The following KALRN variants were observed in gnomAD, a reference collection of about 807,000 sequenced individuals.
KALRN encodes the protein kalirin.
KALRN carries 70 observed loss-of-function variants against 353.7 expected under a neutral mutation model. The ratio of observed to expected loss-of-function variants is 0.20; its 90% CI spans 0.16 to 0.24. The LOEUF (loss-of-function observed/expected upper bound fraction) is 0.24. Ranked by LOEUF, KALRN falls within the 10% of genes least tolerant of loss-of-function variation. The pLI is 1.00. For missense variants in KALRN, 2,791 were observed against 3,756.7 expected (o/e 0.74, Z 6.72); for synonymous variants, 1,391 against 1,434.8 (o/e 0.97, Z 0.69).
chr3:124,153,441 A>G (rs950100408), intron 1 of KALRN, among the ~76,000 whole-genome samples: 1 of 151,332 alleles, frequency 6.6e-6, no homozygotes, highest in African/African-American at 2.4e-5. Context: ...TACAAAGGAC[A>G]TGAACTCATC....
Position 124,070,379 on chromosome 3 carries a change from G to A in KALRN, c.73+36566G>A, listed in dbSNP as rs777900308. ...AACCTGCTGGCATTCTGTCTTTACCGAGAACATACCATACTGAATCTAGTT... is the reference window on the plus strand; with the variant it reads ...AACCTGCTGGCATTCTGTCTTTACCAAGAACATACCATACTGAATCTAGTT... On this transcript the variant is annotated intron_variant, in intron 1 of 59. Transcript: ENST00000682506. 4.0e-4 allele frequency among the ~76,000 whole-genome samples: 61 copies of A among 152,040 alleles called. 1 individual carries two copies. Among genetic ancestry groups the A allele is most frequent in the South Asian group, 4.2e-4 (2 of 4,802 alleles).
intron 1 of KALRN, among the ~76,000 whole-genome samples, chr3:124,205,667 A>C (rs758850839): frequency 1.1e-4 from 16 of 152,198 alleles, no homozygotes; most frequent in Non-Finnish European, 2.2e-4. Context: ...TGGAGGTTGG[A>C]GATGCAACTG....
chr3:124,342,553 T>C (rs954325766), intron 9 of KALRN, among the ~76,000 whole-genome samples: 4 of 152,216 alleles, frequency 2.6e-5, no homozygotes, highest in Non-Finnish European at 4.4e-5. Flanking sequence ...CTTTATCCAG[T>C]CATCCATTGA....
chr3:124,135,232 T>G (rs1313791654), intron 1 of KALRN, among the ~76,000 whole-genome samples: 1 of 152,174 alleles, frequency 6.6e-6, no homozygotes, highest in Non-Finnish European at 1.5e-5. Context: ...TGCAATGACC[T>G]GGATGAGATT....
At chr3:124,337,195 T>C (rs1323874848) in intron 9 of KALRN, among the ~76,000 whole-genome samples, 1 of 152,212 alleles carries the variant, frequency 6.6e-6, no homozygotes, top group African/African-American at 2.4e-5. Context: ...CAATACTATG[T>C]TGAATAGGAG....
intron 2 of KALRN, among the ~76,000 whole-genome samples, chr3:124,229,717 A>C (rs2078952477): frequency 6.6e-6 from 1 of 152,210 alleles, no homozygotes; most frequent in African/African-American, 2.4e-5. Flanking sequence ...TAGGTGTGGG[A>C]GGTGAGGGCA....
At position 124,719,422 on chromosome 3, in the gene KALRN, T is replaced by G; in HGVS notation, c.8913T>G (p.Ile2971Met). 1.2e-6 allele frequency: 2 copies of G among 1,614,122 alleles called. No homozygotes were observed. The highest frequency in any genetic ancestry group is 1.7e-6 in the Non-Finnish European group (2 of 1,180,032). ...RRKHQNDVRP[I>M]PNVKSYIVNR... The stretch of plus-strand genomic sequence containing the variant: ...AGCACCAGAATGATGTGCGGCCTAT[T>G]CCCAATGTCAAGAGCTACATTGTCA... The change falls in exon 60 of 60, where the codon ATT (isoleucine) becomes ATG (methionine). Residue 2971 changes from isoleucine to methionine, a missense_variant. By Grantham distance (10) the Ile-to-Met change is conservative. Coordinates refer to ENST00000682506, the MANE Select transcript of KALRN (RefSeq NM_001388419.1). This position sits in a 1 kb window ranked among gnomAD's most constrained non-coding sequence, Gnocchi z 5.3.
At chr3:124,077,933 C>T (rs894659193) in intron 1 of KALRN, among the ~76,000 whole-genome samples, 1 of 152,148 alleles carries the variant, frequency 6.6e-6, no homozygotes, top group African/African-American at 2.4e-5. Flanking sequence ...TTCTGTGGAC[C>T]CGTTTGCTTC....
intron 29 of KALRN, among the ~76,000 whole-genome samples, chr3:124,489,354 G>A (rs2062895927): frequency 6.6e-6 from 1 of 152,140 alleles, no homozygotes; most frequent in Non-Finnish European, 1.5e-5. Flanking sequence ...TTTAATGGGT[G>A]CTAAAGGAAA....
Position 124,049,916 on chromosome 3 carries a change from G to A in KALRN, c.73+16103G>A, listed in dbSNP as rs1476435993. ...ATAAGCCCCCACCCCTGTTTTGCTA[G>A]TTTATAATATATTATTCTTTTTTCT... On this transcript the variant is annotated intron_variant, in intron 1 of 59. Transcript: ENST00000682506. 2.0e-5 allele frequency among the ~76,000 whole-genome samples: 3 copies of A among 152,286 alleles called. No individual in the cohort carries two copies. In the East Asian group the frequency reaches 5.8e-4, roughly 29 times the overall value.
In KALRN at chr3:124,632,625, C is replaced by A. The variant is rs766556706; in HGVS notation, c.5388C>A (p.Arg1796=). 6.2e-7 allele frequency: 1 copy of A among 1,614,090 alleles called. No individual in the cohort carries two copies. Among genetic ancestry groups the A allele is most frequent in the Admixed American group, 1.7e-5 (1 of 60,024 alleles). The stretch of plus-strand genomic sequence containing the variant: ...ACATCAAAAAGCAGAAGAAAGTTCG[C>A]GATGGTCGGAAGAGCTTTGACCTGG... ...DGNIKKQKKV[R]DGRKSFDLGS... The change falls in exon 35 of 60, where the codon CGC becomes CGA. Residue 1796 remains arginine (R), a synonymous_variant. Coordinates refer to ENST00000682506, the MANE Select transcript of KALRN (RefSeq NM_001388419.1).
intron 53 of KALRN, among the ~76,000 whole-genome samples, chr3:124,695,841 T>C (rs537614969): frequency 6.8e-4 from 103 of 152,304 alleles, no homozygotes; most frequent in African/African-American, 2.4e-3. Context: ...AGCCAGAACT[T>C]GCATACAACT....
At chr3:124,383,687 C>G (rs2087759381) in intron 10 of KALRN, among the ~76,000 whole-genome samples, 1 of 152,074 alleles carries the variant, frequency 6.6e-6, no homozygotes, top group African/African-American at 2.4e-5. Flanking sequence ...TATCCTGTTT[C>G]CAAGGAAGGT....
intron 1 of KALRN, among the ~76,000 whole-genome samples, chr3:124,068,044 A>C (rs1250476986): frequency 6.6e-6 from 1 of 152,202 alleles, no homozygotes; most frequent in Admixed American, 6.5e-5. Context: ...GCCCAGCTAG[A>C]CTTACACAGA....
intron 1 of KALRN, among the ~76,000 whole-genome samples, chr3:124,180,578 G>A (rs527936021): frequency 1.4e-3 from 219 of 152,292 alleles, no homozygotes; most frequent in African/African-American, 5.1e-3. Flanking sequence ...TCAGCAGGTC[G>A]TATACACTCT....
intron 6 of KALRN, among the ~76,000 whole-genome samples, chr3:124,307,727 AG>A (rs1236172139): frequency 1.2e-4 from 19 of 152,040 alleles, no homozygotes; most frequent in South Asian, 4.1e-4. Context: ...AGTATAAAAA[AG>A]ACATATAGAA....
chr3:124,588,775 A>G (rs1366929421), intron 34 of KALRN, among the ~76,000 whole-genome samples: 1 of 152,224 alleles, frequency 6.6e-6, no homozygotes, highest in Non-Finnish European at 1.5e-5. Context: ...GTATGTGGAC[A>G]AAAGTCCCCT....
At chr3:124,692,239 G>C (rs1227490590) in intron 51 of KALRN, among the ~76,000 whole-genome samples, 2 of 152,226 alleles carry the variant, frequency 1.3e-5, no homozygotes, top group East Asian at 3.8e-4. Flanking sequence ...AGAGGTGTAA[G>C]TGGTCTTTTG....
At chr3:124,621,127 C>T (rs1452374864) in intron 34 of KALRN, among the ~76,000 whole-genome samples, 1 of 152,144 alleles carries the variant, frequency 6.6e-6, no homozygotes, top group Non-Finnish European at 1.5e-5. Flanking sequence ...GAGAAGGATC[C>T]CTGCCCTATG....
Sources: gnomAD v4.1 joint callset for allele counts (sites outside exome capture counted in the v4.1 genomes callset) on GRCh38, gnomAD v4.1.1 for gene constraint, Gnocchi (gnomAD v3.1) non-coding constraint, MANE v1.5 for transcripts, NCBI Gene and HGNC (gene_info 2026-07-23, HGNC 2026-07-21) for gene names.